IFT140: variants seen among roughly 807,000 people sequenced by gnomAD.
The protein encoded by IFT140 is intraflagellar transport protein 140 homolog.
A neutral mutation model predicts 164.6 loss-of-function variants in IFT140; 133 were observed. The observed-to-expected ratio is 0.81, with a 90% CI of 0.70 to 0.93. The LOEUF (loss-of-function observed/expected upper bound fraction) is 0.93. IFT140 is among the 40% of genes least tolerant of loss of function. The probability of loss-of-function intolerance (pLI) is 0.00; values close to 1 mark genes in which losing one functional copy is unlikely to be tolerated. For missense variants in IFT140, 2,045 were observed against 1,972.3 expected, an observed-to-expected ratio of 1.04 and a Z score of -0.70; for synonymous variants, 860 against 817.3, an observed-to-expected ratio of 1.05 and a Z score of -0.89.
intron 13 of IFT140, among the ~76,000 whole-genome samples, chr16:1,574,193 G>A (rs1324007600): frequency 2.0e-5 from 3 of 152,144 alleles, no homozygotes; most frequent in Non-Finnish European, 4.4e-5. Flanking sequence ...TGTAACAAAC[G>A]TAAAATGGAG....
At chr16:1,525,005 G>T in intron 22 of IFT140, 89 bp from the exon 23 acceptor site, 2 of 1,515,338 alleles carry the variant, frequency 1.3e-6, no homozygotes, top group Admixed American at 3.6e-5. Flanking sequence ...CACCCTTAGA[G>T]TGCATGTCAC....
At chr16:1,571,380 A>C in intron 14 of IFT140, 27 bp downstream of exon 14, 1 of 1,606,126 alleles carries the variant, frequency 6.2e-7, no homozygotes, top group South Asian at 1.1e-5. Flanking sequence ...AAAAATGTTC[A>C]CACTTCTATT....
intron 14 of IFT140, among the ~76,000 whole-genome samples, chr16:1,569,815 T>C (rs1271066463): frequency 2.0e-5 from 3 of 151,518 alleles, no homozygotes; most frequent in African/African-American, 4.9e-5. Flanking sequence ...CTTGAACTCC[T>C]GGGCCTAAGC....
chr16:1,582,277 G>A (rs537139353), intron 12 of IFT140, among the ~76,000 whole-genome samples: 72 of 152,264 alleles, frequency 4.7e-4, no homozygotes, highest in African/African-American at 1.4e-3. Flanking sequence ...ATACACTCAC[G>A]AGTGTCCCTG....
intron 4 of IFT140, 129 bp downstream of exon 4, chr16:1,602,241 A>G: frequency 1.2e-6 from 1 of 833,188 alleles, no homozygotes; most frequent in East Asian, 2.7e-5. Context: ...AACAAAATCT[A>G]CAATTGCATC....
intron 19 of IFT140, among the ~76,000 whole-genome samples, chr16:1,550,743 G>A (rs1383222736): frequency 2.0e-5 from 3 of 152,210 alleles, no homozygotes; most frequent in Non-Finnish European, 2.9e-5. Flanking sequence ...ATAGGGCAAG[G>A]CCCTGCCAAA....
At chr16:1,576,234 C>T (rs1384928796) in intron 13 of IFT140, among the ~76,000 whole-genome samples, 1 of 147,166 alleles carries the variant, frequency 6.8e-6, no homozygotes. Context: ...TGCAGTGAGC[C>T]GAGATCATGC....
intron 19 of IFT140, chr16:1,540,694 G>A (rs2031550886): frequency 2.7e-6 from 1 of 368,832 alleles, no homozygotes; most frequent in African/African-American, 2.2e-5. Context: ...CCTGAGTGGT[G>A]AGGCTGCTTC....
chr16:1,546,349 C>T lies in IFT140; in HGVS notation c.2399+11586G>A, dbSNP rs376675817. Among the ~76,000 whole-genome samples the T allele has an allele frequency of 1.5e-3, 235 of 152,292 alleles. 6 individuals carry two copies. In the South Asian group the frequency reaches 0.048, roughly 31 times the overall value. On this transcript the variant is annotated intron_variant, in intron 19 of 30. Coordinates refer to ENST00000426508, the MANE Select transcript of IFT140 (RefSeq NM_014714.4). ...GCCCTCAGGTGTTTCCCAGCTGGAT[C>T]GCTGGCTGGTTCTGCAGGAGCCCAG... is the stretch of plus-strand genomic sequence containing the variant.
Position 1,560,366 on chromosome 16 carries a change from C to T in IFT140, c.2199+1619G>A, listed in dbSNP as rs74722020. ...GGTGACCAGGAACACGGCCGCCAAC[C>T]GCACCCAGGTTCGCGTTTGTGTGAA... is the stretch of plus-strand genomic sequence containing the variant. On this transcript the variant is annotated intron_variant, in intron 18 of 30. Transcript: ENST00000426508. 3.0e-3 allele frequency among the ~76,000 whole-genome samples: 464 copies of T among 152,296 alleles called. 12 individuals carry two copies. The East Asian group carries it at 0.069, about 23-fold the overall frequency.
chr16:1,524,447 C>G lies in IFT140; in HGVS notation c.3141+105G>C, dbSNP rs570908049. The G allele has an allele frequency of 1.7e-5, 25 of 1,455,588 alleles. No individual in the cohort carries two copies. The East Asian group carries it at 4.9e-4, about 28-fold the overall frequency. 90.2% of individuals were successfully genotyped at this position (1,455,588 alleles called of 1,614,324 possible). A position where few individuals can be genotyped will look rare whatever the true frequency, so the allele number is the denominator to read the frequency against. ...TGAGCAGTGAGTGGCAGACACTGGCCGGACCACGTGTCACTGACACGATTC... is the reference window on the plus strand; with the variant it reads ...TGAGCAGTGAGTGGCAGACACTGGCGGGACCACGTGTCACTGACACGATTC... On this transcript the variant is annotated intron_variant, in intron 24 of 30. Coordinates refer to ENST00000426508, the MANE Select transcript of IFT140 (RefSeq NM_014714.4).
At chr16:1,540,246 G>A (rs2031503241) in intron 19 of IFT140, among the ~76,000 whole-genome samples, 1 of 152,238 alleles carries the variant, frequency 6.6e-6, no homozygotes, top group South Asian at 2.1e-4. Context: ...GAGCTTTGAG[G>A]TTATTCTGTG....
intron 30 of IFT140, among the ~76,000 whole-genome samples, chr16:1,513,752 C>T (rs961064739): frequency 4.0e-5 from 6 of 150,926 alleles, no homozygotes; most frequent in Admixed American, 1.3e-4. Flanking sequence ...CTGCTCACTG[C>T]AAGCTCCGCC....
chr16:1,562,165 A>G, intron 17 of IFT140, 49 bp from the exon 18 acceptor site: 1 of 1,503,786 alleles, frequency 6.6e-7, no homozygotes, highest in Non-Finnish European at 8.9e-7. Flanking sequence ...TAACTTACAT[A>G]AATTTCTGGG....
At chr16:1,609,745 T>G (rs2036247283) in intron 2 of IFT140, among the ~76,000 whole-genome samples, 1 of 152,206 alleles carries the variant, frequency 6.6e-6, no homozygotes, top group South Asian at 2.1e-4. Flanking sequence ...AAATGAGTAT[T>G]ATCAGTATAA....
intron 26 of IFT140, among the ~76,000 whole-genome samples, chr16:1,522,227 G>T (rs139227743): frequency 2.0e-5 from 3 of 152,150 alleles, no homozygotes; most frequent in African/African-American, 7.2e-5. Context: ...TGTGGTGGTG[G>T]GCGCCTGTAG....
intron 4 of IFT140, among the ~76,000 whole-genome samples, chr16:1,596,768 C>T (rs966513415): frequency 4.6e-5 from 7 of 152,136 alleles, no homozygotes; most frequent in East Asian, 1.9e-4. Flanking sequence ...TCCACCTCCT[C>T]GGCTGCACCC....
rs1315593318 is a variant in IFT140 at position 1,518,202 on chromosome 16, C to T, written c.4182+14G>A. 1 of 1,599,996 alleles carries T rather than the reference C, an allele frequency of 6.3e-7. No homozygotes were observed. The highest frequency in any genetic ancestry group is 1.3e-5 in the African/African-American group (1 of 74,926). On this transcript the variant is annotated intron_variant, in intron 30 of 30. Coordinates refer to ENST00000426508, the MANE Select transcript of IFT140 (RefSeq NM_014714.4). ...GTGGCGGGATGCTGCTAGTGAGCAG[C>T]ACTCAGGCCTCACCGTCTGGTATTC...
intron 14 of IFT140, 129 bp from the exon 15 acceptor site, chr16:1,568,463 C>T (rs1596380432): frequency 6.9e-6 from 5 of 728,620 alleles, no homozygotes; most frequent in Admixed American, 5.0e-5. Flanking sequence ...CTGGGTGGCG[C>T]GTGTGCACCA....
Sources: gnomAD v4.1 joint callset for allele counts (sites outside exome capture counted in the v4.1 genomes callset) on GRCh38, gnomAD v4.1.1 for gene constraint, MANE v1.5 for transcripts, NCBI Gene and HGNC (gene_info 2026-07-23, HGNC 2026-07-21) for gene names.